ADCY3: variants seen among roughly 807,000 people sequenced by gnomAD.
ADCY3 encodes the protein adenylate cyclase type 3.
ADCY3 carries 70 observed loss-of-function variants against 119.4 expected under a neutral mutation model. The observed-to-expected ratio is 0.59, with a 90% CI of 0.48 to 0.72. The LOEUF is 0.72. Among genes scored for constraint, ADCY3 ranks in the 30% least tolerant of loss-of-function variants. The pLI, the probability that ADCY3 is intolerant of heterozygous loss-of-function variation, is 0.00. For synonymous variants in ADCY3, 672 were observed against 621.4 expected (o/e 1.08, Z -1.21); for missense variants, 1,238 against 1,541.6 (o/e 0.80, Z 3.30).
intron 9 of ADCY3, 60 bp downstream of exon 9, chr2:24,836,857 T>C: frequency 1.3e-6 from 2 of 1,551,132 alleles, no homozygotes; most frequent in Non-Finnish European, 1.7e-6. Flanking sequence ...AACGTATTGC[T>C]TCCTGGTGCC....
intron 2 of ADCY3, among the ~76,000 whole-genome samples, chr2:24,885,236 A>C (rs182902697): frequency 6.6e-6 from 1 of 152,350 alleles, no homozygotes; most frequent in African/African-American, 2.4e-5. Context: ...GTGCCTTAGA[A>C]TCACCTGGGG....
Position 24,919,243 on chromosome 2 carries a change from T to A in ADCY3, c.-197-59A>T. 1 of 496,042 alleles carries A rather than the reference T, an allele frequency of 2.0e-6. No homozygotes were observed. Among genetic ancestry groups the A allele is most frequent in the Non-Finnish European group, 3.7e-6 (1 of 273,520 alleles). The allele number at this position is 496,042 out of a possible 1,614,324, so 30.7% of individuals were successfully genotyped here. A position where few individuals can be genotyped will look rare whatever the true frequency, so the allele number is the denominator to read the frequency against. ...TCCCTCCTACCTTGCGGTTTCCCCA[T>A]GACCCGCCCTAACCCTCATAAAAGG... On this transcript the variant is annotated intron_variant, in intron 1 of 21. Transcript: ENST00000679454. The surrounding 1 kb of genome is among the most constrained non-coding windows in gnomAD (Gnocchi z 5.5).
chr2:24,822,847 C>T (rs1190219805), intron 18 of ADCY3, among the ~76,000 whole-genome samples: 2 of 152,184 alleles, frequency 1.3e-5, no homozygotes, highest in African/African-American at 2.4e-5. Flanking sequence ...GACATAAAAT[C>T]GGCAGTCTCC....
chr2:24,838,737 G>A, intron 7 of ADCY3, 115 bp from the exon 8 acceptor site: 1 of 1,584,658 alleles, frequency 6.3e-7, no homozygotes, highest in Non-Finnish European at 8.6e-7. Flanking sequence ...TGTCTCTCGG[G>A]CATGTGGGGC....
rs1471162117 is a variant in ADCY3 at position 24,829,621 on chromosome 2, ACTGTGTTAGC to A, written c.2172+1078_2172+1087del. Among the ~76,000 whole-genome samples the A allele has an allele frequency of 2.4e-3, 350 of 146,854 alleles. 2 individuals are homozygous for A. The highest frequency in any genetic ancestry group is 8.4e-3 in the African/African-American group (337 of 40,126). ...TATTTTTAGTAGAGACGGGGTTTCA[ACTGTGTTAGC>A]CAGGATGATTTCGATCTCCTGACCT... On this transcript the variant is annotated intron_variant, in intron 13 of 21. Coordinates refer to ENST00000679454, the MANE Select transcript of ADCY3 (RefSeq NM_004036.5).
rs370567240 is a variant in ADCY3 at position 24,840,895 on chromosome 2, G to A, written c.1196+364C>T. Among the ~76,000 whole-genome samples, 82 of 152,332 alleles carry A rather than the reference G, an allele frequency of 5.4e-4. 1 individual carries two copies. The East Asian group carries it at 6.7e-3, about 13-fold the overall frequency. Reference sequence around the variant, plus strand: ...AGAGGGCAGTGCCTTCGGGGGTCACGGTGAGAAAACACTGAGGAGAGATGG... The same window carrying A: ...AGAGGGCAGTGCCTTCGGGGGTCACAGTGAGAAAACACTGAGGAGAGATGG... On this transcript the variant is annotated intron_variant, in intron 6 of 21. Coordinates refer to ENST00000679454, the MANE Select transcript of ADCY3 (RefSeq NM_004036.5).
At chr2:24,855,634 G>GA (rs1672906031) in intron 3 of ADCY3, among the ~76,000 whole-genome samples, 1 of 152,182 alleles carries the variant, frequency 6.6e-6, no homozygotes. Flanking sequence ...CCCTCTCTGG[G>GA]AAAAGAATCA....
At chr2:24,893,852 C>A (rs1367386377) in intron 2 of ADCY3, among the ~76,000 whole-genome samples, 2 of 152,176 alleles carry the variant, frequency 1.3e-5, no homozygotes, top group Non-Finnish European at 2.9e-5. Context: ...AATCTGTCCT[C>A]CTCAGCCTCC....
intron 13 of ADCY3, among the ~76,000 whole-genome samples, chr2:24,828,977 T>TG (rs1022559634): frequency 2.0e-5 from 3 of 151,876 alleles, no homozygotes; most frequent in African/African-American, 7.2e-5. Context: ...AGGTAGGCTC[T>TG]GGAGCCCCTA....
intron 3 of ADCY3, among the ~76,000 whole-genome samples, chr2:24,857,996 T>TTTTTTTTTA (rs1673211910): frequency 6.8e-6 from 1 of 146,962 alleles, no homozygotes; most frequent in Admixed American, 6.7e-5. Flanking sequence ...TCTGAATTTT[T>TTTTTTTTTA]TTTTTTTTTT....
rs932158367 is a variant in ADCY3 at position 24,823,325 on chromosome 2, C to T, written c.2767G>A (p.Gly923Arg). The part of the protein sequence containing the change: ...ELYSQTYDEI[G>R]VMFASLPNFA... ...TTGGGCAGGGAGGCAAACATGACTC[C>T]AATCTCATCATACGTCTGGCTATAC... The change falls in exon 18 of 22, where the codon GGA (glycine) becomes AGA (arginine). Residue 923 changes from glycine (G) to arginine (R), a missense_variant. By Grantham distance (125) the Gly-to-Arg change is moderately radical (BLOSUM62 -2). Transcript: ENST00000679454. 1 of 1,613,620 alleles carries T rather than the reference C, an allele frequency of 6.2e-7. No homozygotes were observed. The highest frequency in any genetic ancestry group is 1.3e-5 in the African/African-American group (1 of 74,892).
intron 8 of ADCY3, 86 bp downstream of exon 8, chr2:24,838,359 G>A (rs1022951573): frequency 7.4e-7 from 1 of 1,346,006 alleles, no homozygotes; most frequent in Non-Finnish European, 1.0e-6. Context: ...CACCTCTTCT[G>A]CAATCTTTCC....
At position 24,846,834 on chromosome 2, in the gene ADCY3, C is replaced by A. The variant is rs1304462116; in HGVS notation, c.826-4450G>T. Among the ~76,000 whole-genome samples the A allele has an allele frequency of 4.6e-5, 7 of 152,334 alleles. No homozygotes were observed. In the South Asian group the frequency reaches 1.5e-3, roughly 32 times the overall value. ...CCTCAGGTGATTCACTCGCCTCAGC[C>A]TCCCAAAGTCCTGGCATTACAGGTG... is the stretch of plus-strand genomic sequence containing the variant. On this transcript the variant is annotated intron_variant, in intron 3 of 21. Transcript: ENST00000679454.
chr2:24,867,297 A>G (rs547429010), intron 3 of ADCY3, among the ~76,000 whole-genome samples: 20 of 152,382 alleles, frequency 1.3e-4, no homozygotes, highest in African/African-American at 4.6e-4. Flanking sequence ...ATGGCAGCCT[A>G]GAATTATCTG....
rs1221869851 is a variant in ADCY3, at chr2:24,820,713, A to C, written c.3252+11T>G. ...AGTCTGAGCACGTGCCAGCTGTGCCACTGGACATACCTGAATGTTGCCCAT... is the reference window on the plus strand; with the variant it reads ...AGTCTGAGCACGTGCCAGCTGTGCCCCTGGACATACCTGAATGTTGCCCAT... On this transcript the variant is annotated intron_variant, in intron 21 of 21. Coordinates refer to ENST00000679454, the MANE Select transcript of ADCY3 (RefSeq NM_004036.5). The C allele has an allele frequency of 6.2e-7, 1 of 1,613,942 alleles. No homozygotes were observed. Among genetic ancestry groups the C allele is most frequent in the Admixed American group, 1.7e-5 (1 of 60,006 alleles).
At chr2:24,865,010 T>C (rs1339484795) in intron 3 of ADCY3, among the ~76,000 whole-genome samples, 1 of 152,200 alleles carries the variant, frequency 6.6e-6, no homozygotes, top group Non-Finnish European at 1.5e-5. Flanking sequence ...AGGATATTTA[T>C]TACAGCAATG....
intron 2 of ADCY3, among the ~76,000 whole-genome samples, chr2:24,902,081 GTTT>G (rs1327235990): frequency 2.8e-4 from 27 of 95,968 alleles, no homozygotes; most frequent in African/African-American, 1.0e-3. Context: ...TGTGTATTTG[GTTT>G]TTTTTTTTTT....
Position 24,918,847 on chromosome 2 carries a change from C to T in ADCY3, c.141G>A (p.Leu47=), listed in dbSNP as rs146260732. 2 of 1,613,482 alleles carry T rather than the reference C, an allele frequency of 1.2e-6. No homozygotes were observed. Among genetic ancestry groups the T allele is most frequent in the Non-Finnish European group, 1.7e-6 (2 of 1,180,036 alleles). Residue 47 remains leucine, a synonymous_variant, in exon 2 of 22, where the codon CTG becomes CTA. Transcript: ENST00000679454. The surrounding 1 kb of genome is among the most constrained non-coding windows in gnomAD (Gnocchi z 5.4). ...TCAGCCGCATGAAGCGAGGCAGGCA[C>T]AGGCAGGAGCCCGAGTTCCGGACCG... ...EISVRNSGSC[L]CLPRFMRLTF...
intron 3 of ADCY3, among the ~76,000 whole-genome samples, chr2:24,849,803 C>G (rs1211743338): frequency 6.6e-6 from 1 of 152,204 alleles, no homozygotes; most frequent in Non-Finnish European, 1.5e-5. Flanking sequence ...GGCCCTCCCC[C>G]TGCCACCCCC....
Sources: allele counts gnomAD v4.1 joint callset (sites outside exome capture counted in the v4.1 genomes callset), GRCh38; gene constraint gnomAD v4.1.1; non-coding constraint Gnocchi (gnomAD v3.1); transcripts MANE v1.5; gene names NCBI Gene and HGNC (gene_info 2026-07-23, HGNC 2026-07-21).